The following SCAPER variants were observed in gnomAD, a reference collection of about 807,000 sequenced individuals.
The protein encoded by SCAPER is S-phase cyclin A associated protein in the ER.
A neutral mutation model predicts 182.2 loss-of-function variants in SCAPER; 98 were observed. That is an observed-to-expected ratio of 0.54 (90% CI 0.46 to 0.64). The LOEUF (loss-of-function observed/expected upper bound fraction) is 0.64. Among genes scored for constraint, SCAPER ranks in the 30% least tolerant of loss-of-function variants. The probability of loss-of-function intolerance (pLI) is 0.00; values close to 1 mark genes in which losing one functional copy is unlikely to be tolerated. For synonymous variants in SCAPER, 605 were observed against 564.6 expected (o/e 1.07, Z -1.01); for missense variants, 1,432 against 1,690.0 (o/e 0.85, Z 2.68).
intron 25 of SCAPER, among the ~76,000 whole-genome samples, chr15:76,455,636 A>C (rs1435309918): frequency 6.6e-6 from 1 of 152,102 alleles, no homozygotes; most frequent in Non-Finnish European, 1.5e-5. Context: ...CACCACACCT[A>C]GTATTTTTTA....
At chr15:76,377,961 A>C (rs2042682931) in intron 28 of SCAPER, among the ~76,000 whole-genome samples, 1 of 152,256 alleles carries the variant, frequency 6.6e-6, no homozygotes, top group South Asian at 2.1e-4. Flanking sequence ...TAGTGAGCAC[A>C]GCACTTTTAT....
At chr15:76,817,193 C>T (rs192931527) in intron 5 of SCAPER, among the ~76,000 whole-genome samples, 9 of 152,290 alleles carry the variant, frequency 5.9e-5, no homozygotes, top group Admixed American at 5.2e-4. Flanking sequence ...GATTGAAACA[C>T]TGTTATGCAG....
intron 15 of SCAPER, among the ~76,000 whole-genome samples, chr15:76,745,569 A>T (rs2061752692): frequency 6.6e-6 from 1 of 152,192 alleles, no homozygotes; most frequent in Non-Finnish European, 1.5e-5. Flanking sequence ...ATCCAAAATA[A>T]AAGTTGGAAT....
chr15:76,705,299 CA>C, intron 18 of SCAPER, among the ~76,000 whole-genome samples: 1 of 147,570 alleles, frequency 6.8e-6, no homozygotes, highest in African/African-American at 2.5e-5. Context: ...ATTGCAAGGA[CA>C]AAAAACCAAA....
chr15:76,889,423 G>C (rs936929546), intron 1 of SCAPER, among the ~76,000 whole-genome samples: 1 of 152,088 alleles, frequency 6.6e-6, no homozygotes, highest in Admixed American at 6.6e-5. Context: ...GTATTCAGGA[G>C]ACCCATCTCA....
intron 23 of SCAPER, among the ~76,000 whole-genome samples, chr15:76,537,707 A>C (rs544227904): frequency 6.6e-6 from 1 of 152,220 alleles, no homozygotes; most frequent in Non-Finnish European, 1.5e-5. Context: ...CGAAAGCCAA[A>C]ATTGACAAAT....
intron 5 of SCAPER, among the ~76,000 whole-genome samples, chr15:76,812,455 T>C (rs2066697583): frequency 7.4e-6 from 1 of 135,888 alleles, no homozygotes. Context: ...GCAACTGCAC[T>C]CCAGCCTGGG....
intron 15 of SCAPER, 143 bp downstream of exon 15, chr15:76,753,665 G>C: frequency 1.1e-6 from 1 of 873,252 alleles, no homozygotes; most frequent in South Asian, 2.3e-5. Flanking sequence ...ATTGCACCTG[G>C]TAAGTTTTAA....
At chr15:76,491,438 C>T (rs934384077) in intron 24 of SCAPER, among the ~76,000 whole-genome samples, 1 of 152,024 alleles carries the variant, frequency 6.6e-6, no homozygotes, top group Non-Finnish European at 1.5e-5. Context: ...TATGTAAGAA[C>T]ATGTATTTTT....
At chr15:76,404,731 C>A in intron 26 of SCAPER, 52 bp from the exon 27 acceptor site, 1 of 1,554,176 alleles carries the variant, frequency 6.4e-7, no homozygotes, top group Non-Finnish European at 8.8e-7. Context: ...CCAGCAACAT[C>A]TTCACCTTCA....
rs191815418 is a variant in SCAPER, at chr15:76,748,020, C to T, written c.1866+5788G>A. Among the ~76,000 whole-genome samples, 37 of 136,650 alleles carry T rather than the reference C, an allele frequency of 2.7e-4. No individual in the cohort carries two copies. The East Asian group carries it at 5.9e-3, about 22-fold the overall frequency. The allele number at this position is 136,650 out of a possible 152,430, so 89.6% of individuals were successfully genotyped here. A position where few individuals can be genotyped will look rare whatever the true frequency, so the allele number is the denominator to read the frequency against. On this transcript the variant is annotated intron_variant, in intron 15 of 31. Transcript: ENST00000563290. The stretch of plus-strand genomic sequence containing the variant: ...CCTTTTTTTTTTTGAGACGGAGTTT[C>T]GCTCTTGTTGCCCAGGCTGGAGTAC...
rs532371970 is a variant in SCAPER at position 76,840,259 on chromosome 15, A to AT, written c.393+1474dup. ...ATGATGCATCCTCATCGCTACAAAA[A>AT]TTTTTTTAAAATTAGCCAGGCATGG... On this transcript the variant is annotated intron_variant, in intron 5 of 31. Transcript: ENST00000563290. 9.2e-5 allele frequency among the ~76,000 whole-genome samples: 14 copies of AT among 151,970 alleles called. No individual in the cohort carries two copies. In the East Asian group the frequency reaches 2.7e-3, roughly 29 times the overall value.
chr15:76,442,331 T>A (rs910638374), intron 25 of SCAPER, among the ~76,000 whole-genome samples: 1 of 152,220 alleles, frequency 6.6e-6, no homozygotes, highest in African/African-American at 2.4e-5. Context: ...ATTTTAAATG[T>A]CTCTTACTGG....
intron 27 of SCAPER, among the ~76,000 whole-genome samples, chr15:76,390,475 AAG>A (rs2043612208): frequency 6.6e-6 from 1 of 152,196 alleles, no homozygotes; most frequent in Non-Finnish European, 1.5e-5. Flanking sequence ...AACAAAGTGG[AAG>A]AGTAAAGAGG....
At chr15:76,379,216 T>C (rs1045295049) in intron 28 of SCAPER, among the ~76,000 whole-genome samples, 4 of 151,938 alleles carry the variant, frequency 2.6e-5, no homozygotes, top group Non-Finnish European at 5.9e-5. Context: ...AAAGGGTACC[T>C]GGAAACTACA....
At chr15:76,720,786 T>C (rs2060190625) in intron 17 of SCAPER, among the ~76,000 whole-genome samples, 1 of 152,210 alleles carries the variant, frequency 6.6e-6, no homozygotes, top group East Asian at 1.9e-4. Context: ...GTTTTTTTCC[T>C]GTAAATTTGT....
chr15:76,363,676 A>AAC (rs1006741985), intron 29 of SCAPER, among the ~76,000 whole-genome samples: 4 of 152,358 alleles, frequency 2.6e-5, no homozygotes, highest in African/African-American at 9.6e-5. Flanking sequence ...AGGTGTCCTT[A>AAC]ACAGGGGCAA....
intron 4 of SCAPER, among the ~76,000 whole-genome samples, chr15:76,852,656 C>A (rs1475986782): frequency 1.3e-5 from 2 of 152,088 alleles, no homozygotes; most frequent in Non-Finnish European, 2.9e-5. Flanking sequence ...ACAAAAGATA[C>A]AACATACCAG....
At chr15:76,677,279 C>T (rs768089306) in intron 20 of SCAPER, among the ~76,000 whole-genome samples, 17 of 151,980 alleles carry the variant, frequency 1.1e-4, no homozygotes, top group Non-Finnish European at 2.1e-4. Context: ...TCTTAGTTGA[C>T]CATATTTCAT....
Sources: allele counts gnomAD v4.1 joint callset (sites outside exome capture counted in the v4.1 genomes callset), GRCh38; gene constraint gnomAD v4.1.1; transcripts MANE v1.5; gene names NCBI Gene and HGNC (gene_info 2026-07-23, HGNC 2026-07-21).